POLR2J: variants seen among roughly 807,000 people sequenced by gnomAD.
The protein encoded by POLR2J is RNA polymerase II subunit J.
A neutral mutation model predicts 13.4 loss-of-function variants in POLR2J; 12 were observed. That is an observed-to-expected ratio of 0.90 (90% CI 0.57 to 1.45). The LOEUF (loss-of-function observed/expected upper bound fraction) is 1.45, where lower values mean the gene tolerates loss of function less well. Among genes scored for constraint, POLR2J ranks in the 40% most tolerant of loss-of-function variants. The pLI, the probability that POLR2J is intolerant of heterozygous loss-of-function variation, is 0.00. For synonymous variants in POLR2J, 31 were observed against 53.6 expected (o/e 0.58, Z 1.84); for missense variants, 58 against 132.0 (o/e 0.44, Z 2.75).
In POLR2J at chr7:102,473,561, G is replaced by C. The variant is rs1586747663; in HGVS notation, c.*88C>G. 9 of 1,349,798 alleles carry C rather than the reference G, an allele frequency of 6.7e-6. No homozygotes were observed. Among genetic ancestry groups the C allele is most frequent in the Non-Finnish European group, 7.6e-6 (8 of 1,049,502 alleles). The allele number at this position is 1,349,798 out of a possible 1,614,324, so 83.6% of individuals were successfully genotyped here. ...ACAAGGCGGGCCATGGCTGGGACCG[G>C]CCGCTCTCCTCGGTGTGGTACCTGG... On this transcript the variant is annotated 3_prime_UTR_variant, in exon 4 of 4. Coordinates refer to ENST00000292614, the MANE Select transcript of POLR2J (RefSeq NM_006234.6).
intron 3 of POLR2J, 147 bp from the exon 4 acceptor site, chr7:102,473,831 C>T: frequency 6.8e-7 from 1 of 1,461,404 alleles, no homozygotes; most frequent in Non-Finnish European, 9.0e-7. Flanking sequence ...GCCAAAGGGC[C>T]CTCCCAGCTG....
intron 2 of POLR2J, among the ~76,000 whole-genome samples, chr7:102,475,779 G>A (rs1245709411): frequency 6.6e-5 from 10 of 150,940 alleles, no homozygotes; most frequent in South Asian, 6.3e-4. Context: ...AAAATTAGCC[G>A]GGCATCGTGG....
Position 102,473,646 on chromosome 7 carries a change from C to A in POLR2J, c.*3G>T, listed in dbSNP as rs146329268. ...ACAGGCCGAGCAGAGCCCCCTCTGG[C>A]CCCTACTCAATTCCTTCCTGCTTGT... On this transcript the variant is annotated 3_prime_UTR_variant, in exon 4 of 4. Transcript: ENST00000292614. The A allele has an allele frequency of 1.2e-4, 196 of 1,601,160 alleles. No individual in the cohort carries two copies. The African/African-American group carries it at 2.4e-3, about 20-fold the overall frequency.
chr7:102,475,488 G>A (rs1349382174), intron 2 of POLR2J, among the ~76,000 whole-genome samples: 1 of 152,134 alleles, frequency 6.6e-6, no homozygotes, highest in Non-Finnish European at 1.5e-5. Context: ...ACATCTTAGA[G>A]GCCCAGGTGG....
At chr7:102,473,725 T>C (rs1433975339) in intron 3 of POLR2J, 41 bp from the exon 4 acceptor site, 2 of 1,613,042 alleles carry the variant, frequency 1.2e-6, no homozygotes, top group African/African-American at 1.3e-5. Context: ...CTGGAACAGC[T>C]GGGGCAAGGA....
chr7:102,473,760 C>T (rs541100454), intron 3 of POLR2J, 76 bp from the exon 4 acceptor site: 8 of 1,573,320 alleles, frequency 5.1e-6, no homozygotes, highest in South Asian at 2.3e-5. Context: ...GCCCAGCATC[C>T]CCCCCGCCAG....
chr7:102,473,818 G>A (rs1439503437), intron 3 of POLR2J, 134 bp from the exon 4 acceptor site: 3 of 1,480,328 alleles, frequency 2.0e-6, no homozygotes, highest in South Asian at 1.4e-5. Context: ...GGACAGTGGA[G>A]CAGCCAAAGG....
chr7:102,473,993 C>G (rs1242918776), intron 3 of POLR2J: 2 of 1,435,904 alleles, frequency 1.4e-6, no homozygotes, highest in African/African-American at 1.4e-5. Context: ...CTGCCAGGAA[C>G]AGGTGTGGGC....
chr7:102,473,764 C>A (rs529620182), intron 3 of POLR2J, 80 bp from the exon 4 acceptor site: 96 of 1,586,624 alleles, frequency 6.1e-5, no homozygotes. Flanking sequence ...AGCATCCCCC[C>A]CGCCAGGCCC....
intron 3 of POLR2J, 196 bp from the exon 4 acceptor site, chr7:102,473,880 G>GTCAGAGGCC: frequency 6.9e-7 from 1 of 1,441,692 alleles, no homozygotes; most frequent in Non-Finnish European, 9.1e-7. Context: ...CCCGGCAGGA[G>GTCAGAGGCC]TCAGAGGCCC....
In POLR2J at chr7:102,473,854, C is replaced by T. The variant is rs933270191; in HGVS notation, c.319-170G>A. On this transcript the variant is annotated intron_variant, in intron 3 of 3. Transcript: ENST00000292614. Reference sequence around the variant, plus strand: ...GCCCTCCCAGCTGGCCCAATCCAGCCATTCTCTATGGCAGCCCCGGCAGGA... The same window carrying T: ...GCCCTCCCAGCTGGCCCAATCCAGCTATTCTCTATGGCAGCCCCGGCAGGA... 21 of 1,448,308 alleles carry T rather than the reference C, an allele frequency of 1.4e-5. No individual in the cohort carries two copies. The South Asian group carries it at 2.2e-4, about 15-fold the overall frequency. 89.7% of individuals were successfully genotyped at this position (1,448,308 alleles called of 1,614,324 possible).
intron 3 of POLR2J, chr7:102,473,998 G>A: frequency 7.7e-6 from 11 of 1,437,458 alleles, no homozygotes; most frequent in Non-Finnish European, 9.1e-6. Flanking sequence ...AGGAACAGGT[G>A]TGGGCCACCC....
chr7:102,473,739 T>C, intron 3 of POLR2J, 55 bp from the exon 4 acceptor site: 2 of 1,610,190 alleles, frequency 1.2e-6, no homozygotes, highest in Middle Eastern at 1.7e-4. Context: ...GCAAGGACGC[T>C]GGAAACACAT....
At chr7:102,473,987 C>T (rs1467222847) in intron 3 of POLR2J, 182 of 1,435,316 alleles carry the variant, frequency 1.3e-4, no homozygotes, top group Admixed American at 5.4e-4. Context: ...TGCGCCCTGC[C>T]AGGAACAGGT....
chr7:102,475,642 G>A (rs1049687100), intron 2 of POLR2J, among the ~76,000 whole-genome samples: 1 of 152,276 alleles, frequency 6.6e-6, no homozygotes, highest in African/African-American at 2.4e-5. Context: ...GTGAATGTAA[G>A]GCCGGGCGCA....
intron 1 of POLR2J, 70 bp downstream of exon 1, chr7:102,478,738 C>T (rs1184390092): frequency 1.9e-6 from 3 of 1,598,518 alleles, no homozygotes; most frequent in African/African-American, 1.3e-5. Flanking sequence ...AAGAGATGGG[C>T]AGGAGACACC....
chr7:102,474,638 C>CAACTT, intron 2 of POLR2J, 103 bp from the exon 3 acceptor site: 2 of 1,314,270 alleles, frequency 1.5e-6, no homozygotes, highest in South Asian at 2.6e-5. Flanking sequence ...AAATCCCCCC[C>CAACTT]AACTTTTTTC....
chr7:102,473,919 A>C (rs1384128359), intron 3 of POLR2J: 5 of 1,434,818 alleles, frequency 3.5e-6, no homozygotes, highest in Non-Finnish European at 4.5e-6. Context: ...CAGACGACTC[A>C]GACGTTGAAA....
Position 102,478,789 on chromosome 7 carries a change from C to T in POLR2J, c.53+19G>A, listed in dbSNP as rs1465368055. On this transcript the variant is annotated intron_variant, in intron 1 of 3. Transcript: ENST00000292614. ...CGCAGGCCCGCGCACCTCGGCCCGC[C>T]GCAGCCGGCGTCACTTACTTCTTCT... The T allele has an allele frequency of 8.1e-6, 13 of 1,610,236 alleles. No individual in the cohort carries two copies. In the African/African-American group the frequency reaches 1.6e-4, roughly 20 times the overall value.
Sources: gnomAD v4.1 joint callset for allele counts (sites outside exome capture counted in the v4.1 genomes callset) on GRCh38, gnomAD v4.1.1 for gene constraint, MANE v1.5 for transcripts, NCBI Gene and HGNC (gene_info 2026-07-23, HGNC 2026-07-21) for gene names.